GULP1: variants seen among roughly 807,000 people sequenced by gnomAD.
The protein encoded by GULP1 is GULP PTB domain containing engulfment adaptor 1.
A neutral mutation model predicts 40.9 loss-of-function variants in GULP1; 19 were observed. The ratio of observed to expected loss-of-function variants is 0.46; its 90% CI spans 0.32 to 0.68. GULP1 has a LOEUF of 0.68. Ranked by LOEUF, GULP1 falls within the 30% of genes least tolerant of loss-of-function variation. The pLI, the probability that GULP1 is intolerant of heterozygous loss-of-function variation, is 0.03. For synonymous variants in GULP1, 119 were observed against 117.6 expected, an observed-to-expected ratio of 1.01 and a Z score of -0.08; for missense variants, 312 against 362.2, an observed-to-expected ratio of 0.86 and a Z score of 1.12.
chr2:188,340,322 G>C (rs1258377985), intron 1 of GULP1, among the ~76,000 whole-genome samples: 2 of 152,192 alleles, frequency 1.3e-5, no homozygotes, highest in African/African-American at 4.8e-5. Flanking sequence ...CAGGAAATAT[G>C]GTACTGGTGA....
At chr2:188,540,987 T>A in intron 6 of GULP1, among the ~76,000 whole-genome samples, 194 bp from the exon 7 acceptor site, 1 of 152,170 alleles carries the variant, frequency 6.6e-6, no homozygotes, top group East Asian at 1.9e-4. Flanking sequence ...CATATCTTAG[T>A]TTCATCCTGA....
intron 1 of GULP1, among the ~76,000 whole-genome samples, chr2:188,310,464 A>T (rs2037895812): frequency 1.3e-5 from 2 of 152,106 alleles, no homozygotes; most frequent in Non-Finnish European, 2.9e-5. Context: ...AAATAGAATC[A>T]TGTGTAAATT....
At chr2:188,576,609 A>G (rs544759490) in intron 9 of GULP1, among the ~76,000 whole-genome samples, 30 of 152,262 alleles carry the variant, frequency 2.0e-4, no homozygotes, top group African/African-American at 7.0e-4. Flanking sequence ...TATCTTCTAA[A>G]TACCACACAG....
chr2:188,539,679 C>T (rs771447119), intron 6 of GULP1, among the ~76,000 whole-genome samples: 4 of 152,050 alleles, frequency 2.6e-5, no homozygotes, highest in African/African-American at 4.8e-5. Context: ...GATGGCTTAC[C>T]GTTTGGTTTA....
intron 1 of GULP1, among the ~76,000 whole-genome samples, chr2:188,370,255 C>A (rs573056388): frequency 6.6e-6 from 1 of 152,226 alleles, no homozygotes; most frequent in South Asian, 2.1e-4. Flanking sequence ...GCATGGCAGG[C>A]ATTTTGAGAG....
chr2:188,296,834 T>C (rs2035056460), intron 1 of GULP1, among the ~76,000 whole-genome samples: 1 of 152,084 alleles, frequency 6.6e-6, no homozygotes, highest in Non-Finnish European at 1.5e-5. Flanking sequence ...ATACATCAGC[T>C]GTATCATATA....
chr2:188,544,384 A>AAAATC (rs1397748871), intron 7 of GULP1, among the ~76,000 whole-genome samples: 1 of 152,036 alleles, frequency 6.6e-6, no homozygotes, highest in African/African-American at 2.4e-5. Context: ...TATCAAACAG[A>AAAATC]AAATCTAAGC....
chr2:188,321,270 C>T (rs2039942665), intron 1 of GULP1, among the ~76,000 whole-genome samples: 1 of 152,116 alleles, frequency 6.6e-6, no homozygotes, highest in African/African-American at 2.4e-5. Context: ...ATCTTTATAT[C>T]TGTAATTTCT....
rs557595166 is a variant in GULP1, at chr2:188,534,043, C to G, written c.261+4848C>G. Among the ~76,000 whole-genome samples, 9 of 152,180 alleles carry G rather than the reference C, an allele frequency of 5.9e-5. No individual in the cohort carries two copies. In the South Asian group the frequency reaches 1.9e-3, roughly 32 times the overall value. ...TACACTGTTGGTGGGAATGTAAATTCGTTCAGCTGCTGTGGAGAGCAGTTG... is the reference window on the plus strand; with the variant it reads ...TACACTGTTGGTGGGAATGTAAATTGGTTCAGCTGCTGTGGAGAGCAGTTG... On this transcript the variant is annotated intron_variant, in intron 6 of 11. Coordinates refer to ENST00000409830, the MANE Select transcript of GULP1 (RefSeq NM_016315.4).
intron 6 of GULP1, among the ~76,000 whole-genome samples, chr2:188,540,899 G>C (rs1690297429): frequency 6.6e-6 from 1 of 152,054 alleles, no homozygotes; most frequent in Non-Finnish European, 1.5e-5. Context: ...TTTCTCAAGA[G>C]CCATTGTAGC....
chr2:188,586,315 T>C (rs180867654), intron 10 of GULP1, among the ~76,000 whole-genome samples: 56 of 152,350 alleles, frequency 3.7e-4, no homozygotes, highest in Non-Finnish European at 5.9e-4. Flanking sequence ...AATTTTTACT[T>C]CCTTTTACAA....
Position 188,410,505 on chromosome 2 carries a change from A to C in GULP1, c.-45+26616A>C, listed in dbSNP as rs76007309. Among the ~76,000 whole-genome samples, 987 of 152,316 alleles carry C rather than the reference A, an allele frequency of 6.5e-3. 11 individuals are homozygous for C. Among genetic ancestry groups the C allele is most frequent in the South Asian group, 8.7e-3 (42 of 4,834 alleles). On this transcript the variant is annotated intron_variant, in intron 2 of 11. Coordinates refer to ENST00000409830, the MANE Select transcript of GULP1 (RefSeq NM_016315.4). ...TCAAAAAACTCAATGGCAAAGAAAC[A>C]AATAACCCAATTAAAGAATGAGCAA...
intron 1 of GULP1, among the ~76,000 whole-genome samples, chr2:188,296,339 GA>G (rs1352519454): frequency 3.3e-5 from 5 of 152,014 alleles, no homozygotes; most frequent in Admixed American, 2.0e-4. Context: ...GTAAGACTTA[GA>G]AAACAATGCT....
chr2:188,379,903 T>C (rs2152490164), intron 1 of GULP1, among the ~76,000 whole-genome samples: 1 of 152,332 alleles, frequency 6.6e-6, no homozygotes, highest in East Asian at 1.9e-4. Context: ...GGACAGCTTC[T>C]GTGAACTGAA....
chr2:188,491,180 G>A (rs2062352300), intron 4 of GULP1, among the ~76,000 whole-genome samples: 1 of 151,980 alleles, frequency 6.6e-6, no homozygotes, highest in Non-Finnish European at 1.5e-5. Context: ...AAAGGGTCAA[G>A]CAATAGCATT....
intron 3 of GULP1, among the ~76,000 whole-genome samples, chr2:188,480,724 C>G (rs540643856): frequency 6.6e-6 from 1 of 151,258 alleles, no homozygotes; most frequent in African/African-American, 2.4e-5. Flanking sequence ...ATTTTATATT[C>G]TATTTATTAC....
chr2:188,393,021 A>G (rs1246256340), intron 2 of GULP1, among the ~76,000 whole-genome samples: 2 of 152,008 alleles, frequency 1.3e-5, no homozygotes, highest in South Asian at 2.1e-4. Flanking sequence ...ATCTTGGAGA[A>G]TGTTTCATGA....
At chr2:188,407,860 TA>T (rs944843198) in intron 2 of GULP1, among the ~76,000 whole-genome samples, 3 of 151,928 alleles carry the variant, frequency 2.0e-5, no homozygotes, top group Non-Finnish European at 2.9e-5. Flanking sequence ...ATGAATGGAT[TA>T]AAAAAAACAA....
chr2:188,428,191 T>C (rs1228504364), intron 2 of GULP1, among the ~76,000 whole-genome samples: 1 of 152,222 alleles, frequency 6.6e-6, no homozygotes, highest in Non-Finnish European at 1.5e-5. Context: ...GTATCCCCAT[T>C]ATATCTTGGA....
Sources: allele counts gnomAD v4.1 joint callset (sites outside exome capture counted in the v4.1 genomes callset), GRCh38; gene constraint gnomAD v4.1.1; transcripts MANE v1.5; gene names NCBI Gene and HGNC (gene_info 2026-07-23, HGNC 2026-07-21).